DCTN3: variants seen among roughly 807,000 people sequenced by gnomAD.
DCTN3 encodes the protein dynactin 3 (p22).
In DCTN3, 25 loss-of-function variants were observed where a neutral mutation model predicts 28.4. The observed-to-expected ratio is 0.88, with a 90% CI of 0.64 to 1.23. The LOEUF is 1.23. DCTN3 is among the 50% of genes most tolerant of loss of function. DCTN3 has a pLI of 0.00. For missense variants in DCTN3, 229 were observed against 232.0 expected (o/e 0.99, Z 0.08); for synonymous variants, 81 against 91.4 (o/e 0.89, Z 0.65).
intron 3 of DCTN3, 159 bp downstream of exon 3, chr9:34,617,726 G>A: frequency 2.0e-6 from 3 of 1,515,378 alleles, no homozygotes; most frequent in Non-Finnish European, 2.7e-6. Context: ...TCTACTAGAG[G>A]ATCCATAGGA....
In DCTN3 at chr9:34,613,706, C is replaced by T. The variant is rs1820354456; in HGVS notation, c.*76G>A. On this transcript the variant is annotated 3_prime_UTR_variant, in exon 7 of 7. Transcript: ENST00000259632. ...GCCAATAAATACAAAGCTTCCTCTGCCTTGTAACAAAGGCAGGTTGGCATA... is the reference window on the plus strand; with the variant it reads ...GCCAATAAATACAAAGCTTCCTCTGTCTTGTAACAAAGGCAGGTTGGCATA... The T allele has an allele frequency of 6.3e-7, 1 of 1,590,440 alleles. No individual in the cohort carries two copies. Among genetic ancestry groups the T allele is most frequent in the Non-Finnish European group, 8.6e-7 (1 of 1,166,268 alleles).
At position 34,616,972 on chromosome 9, in the gene DCTN3, T is replaced by C. The variant is rs546359028; in HGVS notation, c.269-859A>G. On this transcript the variant is annotated intron_variant, in intron 3 of 6. Coordinates refer to ENST00000259632, the MANE Select transcript of DCTN3 (RefSeq NM_007234.5). The surrounding 1 kb of genome is among the most constrained non-coding windows in gnomAD (Gnocchi z 4.7). ...GGAAGGGAAAGATTAGGGTCAAGAG[T>C]ATGATTTAGGAGACTGTGCAACCAT... 2.0e-5 allele frequency among the ~76,000 whole-genome samples: 3 copies of C among 151,900 alleles called. 1 individual carries two copies. In the South Asian group the frequency reaches 6.3e-4, roughly 32 times the overall value.
intron 4 of DCTN3, 167 bp from the exon 5 acceptor site, chr9:34,614,935 A>C: frequency 1.4e-6 from 1 of 728,290 alleles, no homozygotes; most frequent in Non-Finnish European, 2.3e-6. Flanking sequence ...CTCCCTGCCC[A>C]CTCCAGTCTT....
chr9:34,620,269 G>T, intron 1 of DCTN3, 100 bp downstream of exon 1: 3 of 1,027,952 alleles, frequency 2.9e-6, no homozygotes, highest in East Asian at 2.4e-5. Flanking sequence ...CAAAGGCCGG[G>T]CTGCGGAGAA....
At chr9:34,614,834 A>G (rs758307010) in intron 4 of DCTN3, 66 bp from the exon 5 acceptor site, 4 of 1,586,302 alleles carry the variant, frequency 2.5e-6, no homozygotes, top group Non-Finnish European at 1.7e-6. Context: ...TCAATAGTCT[A>G]TTAGGTCTTT....
Position 34,614,425 on chromosome 9 carries a change from T to A in DCTN3, c.411+285A>T. On this transcript the variant is annotated intron_variant, in intron 5 of 6. Coordinates refer to ENST00000259632, the MANE Select transcript of DCTN3 (RefSeq NM_007234.5). Reference sequence around the variant, plus strand: ...CTGGGAATAGTGAAAAAAGAGCCCCTCTACCCACAGTCAATGACATACCAT... The same window carrying A: ...CTGGGAATAGTGAAAAAAGAGCCCCACTACCCACAGTCAATGACATACCAT... 3 of 623,142 alleles carry A rather than the reference T, an allele frequency of 4.8e-6. No individual in the cohort carries two copies. In the South Asian group the frequency reaches 6.5e-5, roughly 14 times the overall value. 38.6% of individuals were successfully genotyped at this position (623,142 alleles called of 1,614,324 possible).
At chr9:34,618,050 T>A in intron 2 of DCTN3, 79 bp from the exon 3 acceptor site, 1 of 1,459,580 alleles carries the variant, frequency 6.9e-7, no homozygotes, top group South Asian at 1.3e-5. Context: ...TGACAAGTGG[T>A]CAGCCTTGAG....
Position 34,620,384 on chromosome 9 carries a change from C to T in DCTN3, c.81G>A (p.Ala27=), listed in dbSNP as rs781751202. ...LERWVYGPGG[A]RGSRKVADGL... ...GACTACTCACCTTCCGTGAGCCGCG[C>T]GCCCCGCCCGGCCCGTACACCCAGC... Residue 27 remains alanine (A), a synonymous_variant, in exon 1 of 7, where the codon GCG becomes GCA. Coordinates refer to ENST00000259632, the MANE Select transcript of DCTN3 (RefSeq NM_007234.5). 3.1e-6 allele frequency: 5 copies of T among 1,605,926 alleles called. No homozygotes were observed. The Admixed American group carries it at 6.8e-5, about 22-fold the overall frequency.
intron 1 of DCTN3, among the ~76,000 whole-genome samples, chr9:34,619,001 G>A (rs1366029958): frequency 2.0e-5 from 3 of 152,200 alleles, no homozygotes; most frequent in African/African-American, 7.2e-5. Flanking sequence ...AACTATTTTA[G>A]AGTCTATGGA....
chr9:34,617,685 C>A, intron 3 of DCTN3, 200 bp downstream of exon 3: 1 of 1,481,438 alleles, frequency 6.8e-7, no homozygotes, highest in African/African-American at 1.4e-5. Flanking sequence ...CCATGGCCTG[C>A]AGCTGGTGCA....
chr9:34,618,706 T>G lies in DCTN3; in HGVS notation c.151A>C (p.Arg51=), dbSNP rs1370744586. The part of the protein sequence containing the change: ...QVALGNISSK[R]ERVKILYKKI... ...TTGTAGAGAATCTTCACCCTCTCCC[T>G]CTTGCTGGAAATGTTCCCCAAAGCC... The change falls in exon 2 of 7, where the codon AGG becomes CGG. Residue 51 remains arginine (R), a synonymous_variant. Transcript: ENST00000259632. The G allele has an allele frequency of 6.2e-7, 1 of 1,614,182 alleles. No individual in the cohort carries two copies. Among genetic ancestry groups the G allele is most frequent in the Non-Finnish European group, 8.5e-7 (1 of 1,180,022 alleles).
At chr9:34,614,254 C>CT (rs1820370945) in intron 5 of DCTN3, 153 bp from the exon 6 acceptor site, 4 of 1,541,048 alleles carry the variant, frequency 2.6e-6, no homozygotes, top group Non-Finnish European at 3.5e-6. Context: ...TATGGGAGCA[C>CT]TTTCAGGCTC....
chr9:34,614,285 C>T lies in DCTN3; in HGVS notation c.412-184G>A. 5.7e-6 allele frequency: 8 copies of T among 1,413,056 alleles called. 1 individual carries two copies. The South Asian group carries it at 1.1e-4, about 19-fold the overall frequency. The allele number at this position is 1,413,056 out of a possible 1,614,324, so 87.5% of individuals were successfully genotyped here. On this transcript the variant is annotated intron_variant, in intron 5 of 6. Coordinates refer to ENST00000259632, the MANE Select transcript of DCTN3 (RefSeq NM_007234.5). ...GGCTCCAGGATGGGTGCCCTAACAG[C>T]AGTCCAAAGACGGATGGAAAAGGGA...
At chr9:34,615,087 T>C (rs1820393049) in intron 4 of DCTN3, 1 of 296,250 alleles carries the variant, frequency 3.4e-6, no homozygotes, top group African/African-American at 2.2e-5. Flanking sequence ...ATAGGACCTG[T>C]CCCTTTGCTC....
At chr9:34,617,715 G>C in intron 3 of DCTN3, 170 bp downstream of exon 3, 1 of 1,507,060 alleles carries the variant, frequency 6.6e-7, no homozygotes, top group Non-Finnish European at 8.9e-7. Flanking sequence ...TGTACTCAAT[G>C]TCTACTAGAG....
Position 34,616,808 on chromosome 9 carries a change from G to T in DCTN3, c.269-695C>A, listed in dbSNP as rs540951087. ...CAGAGTTGGATGGGAGGGTAGACCC[G>T]GCCGACTGAAAGGCTTTGAATGGCA... On this transcript the variant is annotated intron_variant, in intron 3 of 6. Coordinates refer to ENST00000259632, the MANE Select transcript of DCTN3 (RefSeq NM_007234.5). The surrounding 1 kb of genome is among the most constrained non-coding windows in gnomAD (Gnocchi z 4.7). 1 of 152,350 alleles carries T rather than the reference G, an allele frequency of 6.6e-6. No individual in the cohort carries two copies. The highest frequency in any genetic ancestry group is 2.4e-5 in the African/African-American group (1 of 41,572). The allele number at this position is 152,350 out of a possible 1,614,324, so 9.4% of individuals were successfully genotyped here.
At position 34,615,949 on chromosome 9, in the gene DCTN3, C is replaced by T. The variant is rs537883457; in HGVS notation, c.352+81G>A. ...ACAGACCCAACCCGAATCCACACAA[C>T]CTGAAACACAGGAAAGTCTTGCCCA... On this transcript the variant is annotated intron_variant, in intron 4 of 6. Coordinates refer to ENST00000259632, the MANE Select transcript of DCTN3 (RefSeq NM_007234.5). 25 of 1,181,514 alleles carry T rather than the reference C, an allele frequency of 2.1e-5. No homozygotes were observed. In the East Asian group the frequency reaches 5.4e-4, roughly 25 times the overall value. The allele number at this position is 1,181,514 out of a possible 1,614,324, so 73.2% of individuals were successfully genotyped here.
rs1215862777 is a variant in DCTN3 at position 34,616,520 on chromosome 9, T to G, written c.269-407A>C. 5.8e-6 allele frequency: 1 copy of G among 172,924 alleles called. No individual in the cohort carries two copies. The highest frequency in any genetic ancestry group is 2.4e-5 in the African/African-American group (1 of 41,974). 10.7% of individuals were successfully genotyped at this position (172,924 alleles called of 1,614,324 possible). On this transcript the variant is annotated intron_variant, in intron 3 of 6. Coordinates refer to ENST00000259632, the MANE Select transcript of DCTN3 (RefSeq NM_007234.5). This position sits in a 1 kb window ranked among gnomAD's most constrained non-coding sequence, Gnocchi z 4.7. ...ATGTGGCAGACTACGCCAGGCAGGT[T>G]CTGCTCAGTGGCTCTCAGAGGCATA... is the stretch of plus-strand genomic sequence containing the variant.
At chr9:34,618,634 G>A in intron 2 of DCTN3, 42 bp downstream of exon 2, 1 of 1,496,586 alleles carries the variant, frequency 6.7e-7, no homozygotes, top group Non-Finnish European at 9.3e-7. Flanking sequence ...GAAGCTGAGG[G>A]GTGGGATGTC....
Sources: gnomAD v4.1 joint callset for allele counts (sites outside exome capture counted in the v4.1 genomes callset) on GRCh38, gnomAD v4.1.1 for gene constraint, Gnocchi (gnomAD v3.1) non-coding constraint, MANE v1.5 for transcripts, NCBI Gene and HGNC (gene_info 2026-07-23, HGNC 2026-07-21) for gene names.